The following CYP4X1 variants were observed in gnomAD, a reference collection of about 807,000 sequenced individuals.
CYP4X1 encodes cytochrome P450 4X1.
Under a neutral mutation model 57.9 loss-of-function variants are expected in CYP4X1, and 44 were observed. The ratio of observed to expected loss-of-function variants is 0.76; its 90% CI spans 0.60 to 0.98. The LOEUF is 0.98. Ranked by LOEUF, CYP4X1 falls within the 50% of genes least tolerant of loss-of-function variation. The probability of loss-of-function intolerance (pLI) is 0.00; values close to 1 mark genes in which losing one functional copy is unlikely to be tolerated. For missense variants in CYP4X1, 532 were observed against 623.9 expected (o/e 0.85, Z 1.57); for synonymous variants, 227 against 228.6 (o/e 0.99, Z 0.06).
the CYP4X1 span, among the ~76,000 whole-genome samples, chr1:46,999,734 G>A: frequency 6.9e-6 from 1 of 144,830 alleles, no homozygotes; most frequent in Non-Finnish European, 1.5e-5. Context: ...GCAATTTGTG[G>A]GCTGTCTTTT....
At chr1:46,971,962 G>T in the CYP4X1 span, among the ~76,000 whole-genome samples, 1 of 152,058 alleles carries the variant, frequency 6.6e-6, no homozygotes, top group Non-Finnish European at 1.5e-5. Flanking sequence ...GTCAATTTTT[G>T]TTTTTGTTGC....
In CYP4X1 at chr1:47,030,718, G is replaced by T. The variant is rs182187944; in HGVS notation, c.319+587G>T. 2.8e-3 allele frequency among the ~76,000 whole-genome samples: 432 copies of T among 152,176 alleles called. 4 individuals are homozygous for T. The highest frequency in any genetic ancestry group is 9.9e-3 in the African/African-American group (411 of 41,504). On this transcript the variant is annotated intron_variant, in intron 2 of 11. Coordinates refer to ENST00000371901, the MANE Select transcript of CYP4X1 (RefSeq NM_178033.2). The stretch of plus-strand genomic sequence containing the variant: ...CATAATACTAAAATGTCCAGTTTTT[G>T]CCCTGTCAACTTTGTAAAAGGAAGG...
At position 47,032,695 on chromosome 1, in the gene CYP4X1, A is replaced by G. The variant is rs535250104; in HGVS notation, c.365-546A>G. Among the ~76,000 whole-genome samples, 6 of 152,278 alleles carry G rather than the reference A, an allele frequency of 3.9e-5. No homozygotes were observed. In the South Asian group the frequency reaches 1.2e-3, roughly 32 times the overall value. The stretch of plus-strand genomic sequence containing the variant: ...GACCTGGGCTCAAGGAGGAAATATC[A>G]GGGGACAGAGTGGACACTCTTGTCT... On this transcript the variant is annotated intron_variant, in intron 3 of 11. Coordinates refer to ENST00000371901, the MANE Select transcript of CYP4X1 (RefSeq NM_178033.2).
chr1:47,025,159 G>A (rs1014697224), intron 1 of CYP4X1, among the ~76,000 whole-genome samples: 1 of 152,066 alleles, frequency 6.6e-6, no homozygotes, highest in Non-Finnish European at 1.5e-5. Flanking sequence ...TCCTTCATAA[G>A]TTCTCACTCT....
At chr1:47,028,604 T>TAGTAC (rs1164908857) in intron 1 of CYP4X1, among the ~76,000 whole-genome samples, 4 of 152,246 alleles carry the variant, frequency 2.6e-5, no homozygotes, top group African/African-American at 7.2e-5. Context: ...AAATTAAATA[T>TAGTAC]AGTACAGTAT....
intron 6 of CYP4X1, among the ~76,000 whole-genome samples, chr1:47,038,174 A>G (rs548869090): frequency 6.6e-6 from 1 of 152,318 alleles, no homozygotes; most frequent in Non-Finnish European, 1.5e-5. Flanking sequence ...TACCCATGTA[A>G]CAAACCTGTA....
downstream of CYP4X1, among the ~76,000 whole-genome samples, chr1:47,052,915 T>A (rs556778438): frequency 8.5e-5 from 13 of 152,164 alleles, no homozygotes; most frequent in East Asian, 1.5e-3. Flanking sequence ...TCTCTATTTC[T>A]TTTTTTTATT....
At chr1:46,996,933 T>C in the CYP4X1 span, among the ~76,000 whole-genome samples, 5 of 152,244 alleles carry the variant, frequency 3.3e-5, no homozygotes, top group Non-Finnish European at 5.9e-5. Context: ...GGTATTTTTG[T>C]TGCTGAAAGC....
the CYP4X1 span, among the ~76,000 whole-genome samples, chr1:47,000,499 A>G: frequency 5.5e-4 from 83 of 152,194 alleles, no homozygotes; most frequent in South Asian, 6.2e-4. Flanking sequence ...ACTCATAGAA[A>G]CCCATTTCCA....
In CYP4X1 at chr1:47,050,033, G is replaced by A. The variant is rs1644345877; in HGVS notation, c.1389G>A (p.Glu463=). The A allele has an allele frequency of 3.7e-6, 6 of 1,613,826 alleles. No individual in the cohort carries two copies. Among genetic ancestry groups the A allele is most frequent in the Non-Finnish European group, 5.1e-6 (6 of 1,179,986 alleles). The change falls in exon 12 of 12, where the codon GAG becomes GAA. Residue 463 remains glutamate, a synonymous_variant. Transcript: ENST00000371901. The part of the protein sequence containing the change: ...NCIGQEFAMI[E]LKVTIALILL... ...TTGGGCAGGAGTTTGCCATGATTGA[G>A]TTAAAGGTAACCATTGCCTTGATTC... is the stretch of plus-strand genomic sequence containing the variant.
chr1:47,052,020 G>T (rs1418329489), downstream of CYP4X1, among the ~76,000 whole-genome samples: 3 of 151,344 alleles, frequency 2.0e-5, no homozygotes, highest in Admixed American at 2.0e-4. Context: ...ACCTATTTGG[G>T]GTCAAAATAA....
the CYP4X1 span, among the ~76,000 whole-genome samples, chr1:46,988,961 T>A: frequency 2.6e-5 from 4 of 152,108 alleles, no homozygotes; most frequent in African/African-American, 9.7e-5. Context: ...GGGCAAAAGC[T>A]GGAAGCATTC....
chr1:47,050,313 A>C lies in CYP4X1; in HGVS notation c.*139A>C, dbSNP rs1029036130. On this transcript the variant is annotated 3_prime_UTR_variant, in exon 12 of 12. Coordinates refer to ENST00000371901, the MANE Select transcript of CYP4X1 (RefSeq NM_178033.2). ...GATAGGGGTCTCTGTGAAGAGATCC[A>C]AAATCATTTCTAGGTACACAGTGTG... 6 of 845,588 alleles carry C rather than the reference A, an allele frequency of 7.1e-6. No individual in the cohort carries two copies. In the African/African-American group the frequency reaches 1.0e-4, roughly 15 times the overall value. 52.4% of individuals were successfully genotyped at this position (845,588 alleles called of 1,614,324 possible).
At chr1:46,984,466 A>G in the CYP4X1 span, among the ~76,000 whole-genome samples, 2 of 151,458 alleles carry the variant, frequency 1.3e-5, no homozygotes, top group Admixed American at 6.6e-5. Flanking sequence ...TGGGAGATCA[A>G]TGCAGAATGT....
At chr1:47,025,964 TC>T (rs968038706) in intron 1 of CYP4X1, among the ~76,000 whole-genome samples, 13 of 152,328 alleles carry the variant, frequency 8.5e-5, no homozygotes, top group African/African-American at 3.1e-4. Flanking sequence ...GGCATCCTTG[TC>T]AAAAATCAAT....
At chr1:46,967,862 T>C in the CYP4X1 span, 4 of 1,109,514 alleles carry the variant, frequency 3.6e-6, no homozygotes, top group Non-Finnish European at 3.6e-6. Context: ...TTTTTCCCAA[T>C]GCAGGTCCTG....
chr1:47,000,410 C>T, the CYP4X1 span, among the ~76,000 whole-genome samples: 1 of 152,144 alleles, frequency 6.6e-6, no homozygotes, highest in Non-Finnish European at 1.5e-5. Context: ...AGAAAGGCAG[C>T]TCTAGAGGTG....
intron 8 of CYP4X1, among the ~76,000 whole-genome samples, chr1:47,045,547 T>G (rs1301709782): frequency 6.6e-6 from 1 of 152,216 alleles, no homozygotes; most frequent in African/African-American, 2.4e-5. Flanking sequence ...CCATCCCAGC[T>G]TGGTACTTCT....
intron 1 of CYP4X1, among the ~76,000 whole-genome samples, chr1:47,027,518 A>G (rs1240893242): frequency 2.0e-5 from 3 of 152,196 alleles, no homozygotes; most frequent in African/African-American, 7.2e-5. Flanking sequence ...AGTCTCTTCA[A>G]GCTCTTCAGA....
Sources: allele counts gnomAD v4.1 joint callset (sites outside exome capture counted in the v4.1 genomes callset), GRCh38; gene constraint gnomAD v4.1.1; transcripts MANE v1.5; gene names NCBI Gene and HGNC (gene_info 2026-07-23, HGNC 2026-07-21).